TACC1: variants seen among roughly 807,000 people sequenced by gnomAD.
The protein encoded by TACC1 is transforming acidic coiled-coil containing protein 1, also known as transforming acidic coiled-coil-containing protein 1.
A neutral mutation model predicts 84.4 loss-of-function variants in TACC1; 48 were observed. That is an observed-to-expected ratio of 0.57 (90% CI 0.45 to 0.72). The LOEUF is 0.72. Among genes scored for constraint, TACC1 ranks in the 30% least tolerant of loss-of-function variants. The probability of loss-of-function intolerance (pLI) is 0.00; values close to 1 mark genes in which losing one functional copy is unlikely to be tolerated. For synonymous variants in TACC1, 372 were observed against 376.3 expected (o/e 0.99, Z 0.13); for missense variants, 920 against 973.0 (o/e 0.95, Z 0.72).
intron 2 of TACC1, among the ~76,000 whole-genome samples, chr8:38,813,355 C>T (rs536902493): frequency 6.1e-4 from 93 of 152,252 alleles, no homozygotes; most frequent in South Asian, 1.2e-3. Flanking sequence ...TGGTTTAGCA[C>T]CCAGGCCTTA....
chr8:38,807,585 G>A (rs1823064964), intron 2 of TACC1, among the ~76,000 whole-genome samples: 1 of 152,220 alleles, frequency 6.6e-6, no homozygotes, highest in Admixed American at 6.5e-5. Context: ...AATGCACATT[G>A]TTTTCCAAGT....
intron 2 of TACC1, among the ~76,000 whole-genome samples, chr8:38,810,754 T>G (rs1052008407): frequency 6.6e-6 from 1 of 152,186 alleles, no homozygotes; most frequent in African/African-American, 2.4e-5. Flanking sequence ...TCTGGTGATG[T>G]CAAATATTAT....
chr8:38,742,610 T>C (rs1198322244), intron 2 of TACC1, among the ~76,000 whole-genome samples: 1 of 152,214 alleles, frequency 6.6e-6, no homozygotes, highest in Non-Finnish European at 1.5e-5. Flanking sequence ...TGGGTGGTGG[T>C]GATGCAAGCT....
chr8:38,782,701 C>T (rs1000721029), upstream of TACC1, among the ~76,000 whole-genome samples: 1 of 152,108 alleles, frequency 6.6e-6, no homozygotes, highest in African/African-American at 2.4e-5. Flanking sequence ...TGTTGTTTAG[C>T]AGGAAAGACC....
At chr8:38,729,553 A>G (rs1804513980) in intron 1 of TACC1, among the ~76,000 whole-genome samples, 1 of 152,208 alleles carries the variant, frequency 6.6e-6, no homozygotes, top group South Asian at 2.1e-4. Context: ...TTTCTCTTAG[A>G]AAATGGCTTT....
chr8:38,798,563 G>A (rs1231137007), intron 2 of TACC1, among the ~76,000 whole-genome samples: 1 of 151,680 alleles, frequency 6.6e-6, no homozygotes, highest in Non-Finnish European at 1.5e-5. Context: ...TTTTTTGGAG[G>A]TTAGGAAGGG....
At chr8:38,821,161 C>T (rs185360161) in intron 3 of TACC1, among the ~76,000 whole-genome samples, 58 of 151,754 alleles carry the variant, frequency 3.8e-4, no homozygotes, top group Non-Finnish European at 7.2e-4. Context: ...GCCGAGATCA[C>T]GCCGCTGCTC....
At chr8:38,833,797 T>A (rs1030239856) in intron 6 of TACC1, among the ~76,000 whole-genome samples, 3 of 152,228 alleles carry the variant, frequency 2.0e-5, no homozygotes, top group African/African-American at 7.2e-5. Flanking sequence ...TGGAAAGCAC[T>A]GAGAGTCTGT....
chr8:38,845,588 C>T (rs1031523404), intron 11 of TACC1, among the ~76,000 whole-genome samples: 1 of 152,174 alleles, frequency 6.6e-6, no homozygotes, highest in African/African-American at 2.4e-5. Context: ...GGTCGTGGAA[C>T]TATAGCATTT....
chr8:38,758,544 C>T (rs963356652), intron 3 of TACC1, among the ~76,000 whole-genome samples: 2 of 151,628 alleles, frequency 1.3e-5, no homozygotes, highest in Non-Finnish European at 2.9e-5. Flanking sequence ...CCTAGCATGG[C>T]GGTGCGAGCC....
At chr8:38,799,983 G>A (rs752858933) in intron 2 of TACC1, 5 of 152,238 alleles carry the variant, frequency 3.3e-5, no homozygotes, top group African/African-American at 4.8e-5. Flanking sequence ...ATGAGACCCC[G>A]ACTCTACCAA....
intron 1 of TACC1, among the ~76,000 whole-genome samples, chr8:38,731,202 G>A (rs1182098499): frequency 6.6e-6 from 1 of 152,178 alleles, no homozygotes; most frequent in Non-Finnish European, 1.5e-5. Flanking sequence ...GCTGCCCAAA[G>A]TGTCAGGATT....
chr8:38,814,087 ATC>A (rs768156232), intron 2 of TACC1, among the ~76,000 whole-genome samples: 1 of 152,178 alleles, frequency 6.6e-6, no homozygotes, highest in Non-Finnish European at 1.5e-5. Flanking sequence ...GAGAGAGAGA[ATC>A]TGTTATTTGT....
At chr8:38,753,263 C>A (rs1366583363) in intron 3 of TACC1, among the ~76,000 whole-genome samples, 1 of 152,038 alleles carries the variant, frequency 6.6e-6, no homozygotes, top group African/African-American at 2.4e-5. Flanking sequence ...CCATGCTCAG[C>A]CAATTTATTT....
intron 2 of TACC1, among the ~76,000 whole-genome samples, chr8:38,796,447 C>T (rs1233576433): frequency 6.6e-6 from 1 of 152,174 alleles, no homozygotes; most frequent in African/African-American, 2.4e-5. Flanking sequence ...TCTTAAGTAT[C>T]CTGTCATGTG....
intron 4 of TACC1, among the ~76,000 whole-genome samples, chr8:38,826,865 A>G (rs1303213369): frequency 6.6e-6 from 1 of 152,252 alleles, no homozygotes; most frequent in Non-Finnish European, 1.5e-5. Context: ...AAAAAAAATT[A>G]GGTATATGAG....
intron 9 of TACC1, among the ~76,000 whole-genome samples, chr8:38,841,677 G>C (rs1164709410): frequency 6.6e-6 from 1 of 152,186 alleles, no homozygotes; most frequent in Non-Finnish European, 1.5e-5. Flanking sequence ...TTCTGTGACT[G>C]TTGGTGGCCT....
chr8:38,745,605 G>A (rs942326525), intron 3 of TACC1: 57 of 588,166 alleles, frequency 9.7e-5, no homozygotes, highest in Middle Eastern at 4.5e-4. Context: ...GTGCAGTGGC[G>A]CAATCTTGGC....
intron 3 of TACC1, 76 bp downstream of exon 3, chr8:38,820,711 T>C (rs1826594071): frequency 6.5e-6 from 10 of 1,539,230 alleles, no homozygotes; most frequent in African/African-American, 2.7e-5. Context: ...CTTTTGGCTT[T>C]GGTGAACTGA....
Sources: allele counts gnomAD v4.1 joint callset (sites outside exome capture counted in the v4.1 genomes callset), GRCh38; gene constraint gnomAD v4.1.1; transcripts MANE v1.5; gene names NCBI Gene and HGNC (gene_info 2026-07-23, HGNC 2026-07-21).